The following KCNT2 variants were observed in gnomAD, a reference collection of about 807,000 sequenced individuals.
KCNT2 encodes potassium channel subfamily T member 2.
Under a neutral mutation model 153.8 loss-of-function variants are expected in KCNT2, and 67 were observed. The observed-to-expected ratio is 0.44, with a 90% confidence interval of 0.36 to 0.53. The LOEUF (loss-of-function observed/expected upper bound fraction) is 0.53, where lower values mean the gene tolerates loss of function less well. Ranked by LOEUF, KCNT2 falls within the 20% of genes least tolerant of loss-of-function variation. The pLI is 0.00. For missense variants in KCNT2, 975 were observed against 1,354.8 expected (o/e 0.72, Z 4.40); for synonymous variants, 500 against 458.8 (o/e 1.09, Z -1.15).
intron 1 of KCNT2, among the ~76,000 whole-genome samples, chr1:196,550,845 T>C (rs956930893): frequency 5.9e-5 from 9 of 151,892 alleles, no homozygotes; most frequent in Admixed American, 5.3e-4. Flanking sequence ...TGAGAGAGAT[T>C]GCTAAGCAAA....
In KCNT2 at chr1:196,603,731, G is replaced by C. The variant is rs1274748784; in HGVS notation, c.95+4484C>G. Among the ~76,000 whole-genome samples, 5 of 116,672 alleles carry C rather than the reference G, an allele frequency of 4.3e-5. No homozygotes were observed. The East Asian group carries it at 1.5e-3, about 35-fold the overall frequency. The allele number at this position is 116,672 out of a possible 152,430, so 76.5% of individuals were successfully genotyped here. On this transcript the variant is annotated intron_variant, in intron 1 of 27. Coordinates refer to ENST00000294725, the MANE Select transcript of KCNT2 (RefSeq NM_198503.5). Reference sequence around the variant, plus strand: ...ATTTGAAACAAGTGACCTGATTTTTGAAAACTAGAATGGTCTTAAATAAAT... The same window carrying C: ...ATTTGAAACAAGTGACCTGATTTTTCAAAACTAGAATGGTCTTAAATAAAT...
At chr1:196,598,322 C>T (rs561427621) in intron 1 of KCNT2, among the ~76,000 whole-genome samples, 1 of 152,110 alleles carries the variant, frequency 6.6e-6, no homozygotes, top group South Asian at 2.1e-4. Flanking sequence ...CTACCTTTAC[C>T]CTATTTCAGT....
At chr1:196,507,499 A>T (rs1289588269) in intron 1 of KCNT2, among the ~76,000 whole-genome samples, 2 of 152,160 alleles carry the variant, frequency 1.3e-5, no homozygotes. Context: ...CAGTAGAACT[A>T]GGGGTTGGTG....
At chr1:196,270,413 C>A (rs1657956264) in intron 25 of KCNT2, among the ~76,000 whole-genome samples, 1 of 151,982 alleles carries the variant, frequency 6.6e-6, no homozygotes, top group Non-Finnish European at 1.5e-5. Flanking sequence ...GCTTTCTACA[C>A]ACAAAAAATT....
At chr1:196,478,429 G>C (rs1461534996) in intron 5 of KCNT2, among the ~76,000 whole-genome samples, 2 of 152,118 alleles carry the variant, frequency 1.3e-5, no homozygotes, top group Non-Finnish European at 2.9e-5. Context: ...ATGCCCCCAT[G>C]TTCTAGACAA....
intron 8 of KCNT2, among the ~76,000 whole-genome samples, chr1:196,439,744 C>T (rs558805719): frequency 2.0e-5 from 3 of 151,896 alleles, no homozygotes; most frequent in Admixed American, 6.6e-5. Flanking sequence ...CCATTTCTTA[C>T]ACTCCTTGGT....
intron 12 of KCNT2, among the ~76,000 whole-genome samples, chr1:196,414,897 G>A (rs543347264): frequency 1.3e-5 from 2 of 151,980 alleles, no homozygotes; most frequent in South Asian, 2.1e-4. Flanking sequence ...CCAAGACACT[G>A]GCTGTGTACT....
intron 1 of KCNT2, among the ~76,000 whole-genome samples, chr1:196,606,187 C>G (rs1665303619): frequency 6.6e-6 from 1 of 152,136 alleles, no homozygotes; most frequent in Non-Finnish European, 1.5e-5. Context: ...ATAAGGTAGA[C>G]AGTATAATTC....
At chr1:196,533,845 T>C (rs929368113) in intron 1 of KCNT2, among the ~76,000 whole-genome samples, 2 of 152,110 alleles carry the variant, frequency 1.3e-5, no homozygotes, top group African/African-American at 4.8e-5. Context: ...TTGGAATAAG[T>C]GCTCTGAATG....
At chr1:196,382,162 G>A (rs1210087514) in intron 13 of KCNT2, among the ~76,000 whole-genome samples, 5 of 151,090 alleles carry the variant, frequency 3.3e-5, no homozygotes, top group Non-Finnish European at 5.9e-5. Flanking sequence ...GCAGTGGTGC[G>A]AGCGCGGCTC....
At chr1:196,423,546 G>A (rs1328734961) in intron 11 of KCNT2, among the ~76,000 whole-genome samples, 1 of 151,638 alleles carries the variant, frequency 6.6e-6, no homozygotes, top group East Asian at 1.9e-4. Context: ...TATACTTCCT[G>A]GAGATCATTC....
At chr1:196,242,270 A>T (rs1655028771) in intron 26 of KCNT2, among the ~76,000 whole-genome samples, 1 of 152,116 alleles carries the variant, frequency 6.6e-6, no homozygotes, top group Non-Finnish European at 1.5e-5. Flanking sequence ...AAGGTTTTAT[A>T]TGTGTTCAGG....
chr1:196,275,612 T>A (rs1658492856), intron 25 of KCNT2, among the ~76,000 whole-genome samples: 1 of 151,914 alleles, frequency 6.6e-6, no homozygotes, highest in Non-Finnish European at 1.5e-5. Context: ...ATATAAAAAA[T>A]GATAACTTTT....
At chr1:196,523,084 G>A (rs1490402014) in intron 1 of KCNT2, among the ~76,000 whole-genome samples, 1 of 152,136 alleles carries the variant, frequency 6.6e-6, no homozygotes, top group Non-Finnish European at 1.5e-5. Context: ...CTGTAACACT[G>A]CGAAGGCCTG....
chr1:196,598,520 A>T (rs926469755), intron 1 of KCNT2, among the ~76,000 whole-genome samples: 8 of 152,202 alleles, frequency 5.3e-5, no homozygotes, highest in Admixed American at 1.3e-4. Flanking sequence ...CTTAACACTT[A>T]TTTTAATCAA....
At position 196,301,992 on chromosome 1, in the gene KCNT2, A is replaced by G. The variant is rs867543523; in HGVS notation, c.2595+3242T>C. ...TGACTTCACGTGATCCACCTGCCTC[A>G]ACCTCCCAAAGTGCTGGGATTACAG... On this transcript the variant is annotated intron_variant, in intron 22 of 27. Coordinates refer to ENST00000294725, the MANE Select transcript of KCNT2 (RefSeq NM_198503.5). Among the ~76,000 whole-genome samples, 23 of 152,216 alleles carry G rather than the reference A, an allele frequency of 1.5e-4. No homozygotes were observed. The Middle Eastern group carries it at 0.014, about 90-fold the overall frequency.
chr1:196,437,347 T>C (rs143815822), intron 8 of KCNT2, among the ~76,000 whole-genome samples: 4,410 of 138,698 alleles, frequency 0.032, 102 homozygotes, highest in South Asian at 0.069. Flanking sequence ...TATTTATTTT[T>C]ATTAATATAT....
rs564185027 is a variant in KCNT2 at position 196,419,846 on chromosome 1, C to A, written c.1185+3204G>T. 2.3e-3 allele frequency among the ~76,000 whole-genome samples: 349 copies of A among 151,962 alleles called. 4 individuals are homozygous for A. The highest frequency in any genetic ancestry group is 4.3e-3 in the Non-Finnish European group (291 of 67,946). ...CTTTTCCTTTTTCCTTTGGCTTCTT[C>A]TTTTGTTTCCTTCTCCCTGACCAGC... On this transcript the variant is annotated intron_variant, in intron 12 of 27. Transcript: ENST00000294725.
chr1:196,246,851 A>C (rs944095906), intron 26 of KCNT2, among the ~76,000 whole-genome samples: 2 of 152,168 alleles, frequency 1.3e-5, no homozygotes, highest in Non-Finnish European at 2.9e-5. Context: ...GAAGATGAGA[A>C]GGAAGGAAAG....
Sources: allele counts gnomAD v4.1 joint callset (sites outside exome capture counted in the v4.1 genomes callset), GRCh38; gene constraint gnomAD v4.1.1; transcripts MANE v1.5; gene names NCBI Gene and HGNC (gene_info 2026-07-23, HGNC 2026-07-21).